The following KLF8 variants were observed in gnomAD, a reference collection of about 807,000 sequenced individuals.
KLF8 encodes Krueppel-like factor 8.
In KLF8, 10 loss-of-function variants were observed where a neutral mutation model predicts 18.2. The observed-to-expected ratio is 0.55, with a 90% CI of 0.34 to 0.93. KLF8 has a LOEUF of 0.93. KLF8 is among the 40% of genes least tolerant of loss of function. The pLI is 0.02. For synonymous variants in KLF8, 109 were observed against 97.3 expected (o/e 1.12, Z -0.71); for missense variants, 264 against 277.9 (o/e 0.95, Z 0.36).
chrX:55,908,455 G>A, the KLF8 span: 14 of 295,712 alleles, frequency 4.7e-5, no homozygotes, highest in Non-Finnish European at 8.2e-5. Context: ...ACTGGCAGCT[G>A]AGAGATACCA....
chrX:56,258,341 C>T (rs1042275166), intron 2 of KLF8, among the ~76,000 whole-genome samples: 5 of 111,598 alleles, frequency 4.5e-5, no homozygotes, highest in African/African-American at 1.6e-4. Flanking sequence ...GGTGTGATCT[C>T]GGTTCACCGC....
the KLF8 span, among the ~76,000 whole-genome samples, chrX:56,162,750 A>T: frequency 9.0e-6 from 1 of 110,854 alleles, no homozygotes; most frequent in Non-Finnish European, 1.9e-5. Context: ...GCTTCACCTC[A>T]CGCTCCGTAT....
intron 1 of KLF8, among the ~76,000 whole-genome samples, chrX:56,236,552 A>G (rs750111337): frequency 7.2e-5 from 8 of 110,832 alleles, no homozygotes; most frequent in African/African-American, 2.0e-4. Flanking sequence ...TCTAACTGCC[A>G]CCACCTTAAT....
chrX:56,214,531 G>A, the KLF8 span, among the ~76,000 whole-genome samples: 19 of 112,413 alleles, frequency 1.7e-4, no homozygotes, highest in African/African-American at 5.8e-4. Flanking sequence ...ACAAGGTGAT[G>A]AGGGTGGATG....
At chrX:56,251,887 T>C (rs776587984) in intron 2 of KLF8, among the ~76,000 whole-genome samples, 1 of 112,067 alleles carries the variant, frequency 8.9e-6, no homozygotes, top group Non-Finnish European at 1.9e-5. Context: ...CCCTGCAGCA[T>C]TTATCCTTTG....
the KLF8 span, among the ~76,000 whole-genome samples, chrX:56,023,755 T>C: frequency 9.0e-6 from 1 of 111,658 alleles, no homozygotes; most frequent in Non-Finnish European, 1.9e-5. Context: ...ATTGCTTTTA[T>C]GGAAGAAAAT....
intron 1 of KLF8, among the ~76,000 whole-genome samples, chrX:56,246,901 C>T (rs991490369): frequency 9.0e-6 from 1 of 110,982 alleles, no homozygotes; most frequent in Non-Finnish European, 1.9e-5. Context: ...CTATTTGATA[C>T]ACAGGACAGA....
At chrX:56,085,717 A>G in the KLF8 span, among the ~76,000 whole-genome samples, 3 of 112,455 alleles carry the variant, frequency 2.7e-5, no homozygotes, top group African/African-American at 9.7e-5. Flanking sequence ...TAAGAAAAAC[A>G]CACATGCAAT....
chrX:56,076,143 ATTTT>A, the KLF8 span, among the ~76,000 whole-genome samples: 3 of 109,074 alleles, frequency 2.8e-5, no homozygotes, highest in South Asian at 1.2e-3. Flanking sequence ...TGAACTCATA[ATTTT>A]TTTTTATTAT....
chrX:56,146,005 C>A, the KLF8 span, among the ~76,000 whole-genome samples: 4 of 112,283 alleles, frequency 3.6e-5, no homozygotes, highest in Non-Finnish European at 7.5e-5. Flanking sequence ...ATCAAAACCA[C>A]AATGAGATAC....
At chrX:56,025,074 C>T in the KLF8 span, among the ~76,000 whole-genome samples, 3 of 112,368 alleles carry the variant, frequency 2.7e-5, no homozygotes, top group African/African-American at 9.7e-5. Context: ...GGGACTAATT[C>T]TTGGGCTTCC....
the KLF8 span, among the ~76,000 whole-genome samples, chrX:56,065,880 G>A: frequency 8.9e-6 from 1 of 111,885 alleles, no homozygotes; most frequent in African/African-American, 3.3e-5. Context: ...TGTGATGTTT[G>A]TGTGTGGATG....
the KLF8 span, among the ~76,000 whole-genome samples, chrX:56,194,610 A>C: frequency 1.6e-4 from 18 of 112,083 alleles, no homozygotes; most frequent in Admixed American, 1.7e-3. Flanking sequence ...CTGCCTCTAG[A>C]CTCCACCTCT....
At chrX:56,064,847 G>A in the KLF8 span, among the ~76,000 whole-genome samples, 48 of 111,427 alleles carry the variant, frequency 4.3e-4, no homozygotes, top group East Asian at 0.01. Flanking sequence ...ATCCATTTAC[G>A]AAAAGTTCCT....
chrX:56,009,865 T>C, the KLF8 span, among the ~76,000 whole-genome samples: 1 of 112,201 alleles, frequency 8.9e-6, no homozygotes, highest in Non-Finnish European at 1.9e-5. Context: ...ATTTCAGATT[T>C]TGAAGACTAT....
the KLF8 span, among the ~76,000 whole-genome samples, chrX:56,046,187 G>A: frequency 2.7e-5 from 3 of 111,688 alleles, no homozygotes; most frequent in Non-Finnish European, 5.6e-5. Flanking sequence ...TGAATCCCAG[G>A]TATGAAACCC....
the KLF8 span, among the ~76,000 whole-genome samples, chrX:56,107,030 G>A: frequency 8.9e-6 from 1 of 111,805 alleles, no homozygotes; most frequent in African/African-American, 3.3e-5. Context: ...TGTGCACCTG[G>A]GTATCACCAG....
chrX:55,978,028 CT>C, the KLF8 span, among the ~76,000 whole-genome samples: 1 of 110,232 alleles, frequency 9.1e-6, no homozygotes, highest in African/African-American at 3.3e-5. Context: ...GGGCATTCTG[CT>C]TTGCTTTCTC....
the KLF8 span, among the ~76,000 whole-genome samples, chrX:56,049,480 T>C: frequency 1.5e-4 from 16 of 109,223 alleles, no homozygotes; most frequent in Non-Finnish European, 2.5e-4. Context: ...GCATGAAGGG[T>C]TGTTGAATTT....
Sources: allele counts gnomAD v4.1 joint callset (sites outside exome capture counted in the v4.1 genomes callset), GRCh38; gene constraint gnomAD v4.1.1; transcripts MANE v1.5; gene names NCBI Gene and HGNC (gene_info 2026-07-23, HGNC 2026-07-21).